MDN1: variants seen among roughly 807,000 people sequenced by gnomAD.
MDN1 encodes midasin AAA ATPase 1, also known as midasin.
A neutral mutation model predicts 669.2 loss-of-function variants in MDN1; 266 were observed. That is an observed-to-expected ratio of 0.40 (90% CI 0.36 to 0.44). MDN1 has a LOEUF of 0.44. Ranked by LOEUF, MDN1 falls within the 20% of genes least tolerant of loss-of-function variation. The pLI is 1.00. For synonymous variants in MDN1, 2,385 were observed against 2,457.1 expected (o/e 0.97, Z 0.87); for missense variants, 5,940 against 6,754.0 (o/e 0.88, Z 4.22).
chr6:89,704,013 CAAA>C (rs60168431), intron 53 of MDN1, among the ~76,000 whole-genome samples: 16 of 103,966 alleles, frequency 1.5e-4, no homozygotes, highest in Admixed American at 1.0e-4. Context: ...AACTCCGTCT[CAAA>C]AAAAAAAAAA....
chr6:89,642,582 A>G lies in MDN1; in HGVS notation c.*1423T>C, dbSNP rs1007553212. 3.9e-5 allele frequency: 6 copies of G among 152,262 alleles called. No homozygotes were observed. Among genetic ancestry groups the G allele is most frequent in the African/African-American group, 1.4e-4 (6 of 41,462 alleles). The allele number at this position is 152,262 out of a possible 1,614,324, so 9.4% of individuals were successfully genotyped here. Reference sequence around the variant, plus strand: ...CTTTTCATTCTGCTGCAAAGCCAGCATATTATAGCTCAGCCTACCATGGAC... The same window carrying G: ...CTTTTCATTCTGCTGCAAAGCCAGCGTATTATAGCTCAGCCTACCATGGAC... On this transcript the variant is annotated 3_prime_UTR_variant, in exon 102 of 102. Coordinates refer to ENST00000369393, the MANE Select transcript of MDN1 (RefSeq NM_014611.3).
At chr6:89,730,631 T>A (rs1017923753) in intron 35 of MDN1, 95 bp downstream of exon 35, 2 of 914,192 alleles carry the variant, frequency 2.2e-6, no homozygotes, top group Admixed American at 5.3e-5. Flanking sequence ...GCAAATATAA[T>A]CATGAGTATT....
Position 89,774,695 on chromosome 6 carries a change from C to T in MDN1, c.1860G>A (p.Val620=). 2.5e-6 allele frequency: 4 copies of T among 1,613,568 alleles called. No homozygotes were observed. Among genetic ancestry groups the T allele is most frequent in the Non-Finnish European group, 3.4e-6 (4 of 1,179,650 alleles). Residue 620 remains valine (V), a synonymous_variant, in exon 13 of 102, where the codon GTG becomes GTA. Coordinates refer to ENST00000369393, the MANE Select transcript of MDN1 (RefSeq NM_014611.3). ...CCACTTGCAAATCTAGCTCATTGAT[C>T]ACAATTTCTGGTTTATAAAGTTGAC... ...FFCQLYKPEI[V]INELDLQVGR...
Position 89,723,603 on chromosome 6 carries a change from A to C in MDN1, c.5687T>G (p.Leu1896Arg), listed in dbSNP as rs1263943828. Residue 1896 changes from leucine to arginine, a missense_variant, in exon 39 of 102, where the codon CTT (leucine) becomes CGT (arginine). Coordinates refer to ENST00000369393, the MANE Select transcript of MDN1 (RefSeq NM_014611.3). The part of the protein sequence containing the change: ...NRFTQVFVDP[L>R]TVIDMEFIAS... ...AATGAACTCCATGTCAATTACTGTA[A>C]GGGGATCAACGAAGACCTAGAAATC... The C allele has an allele frequency of 6.3e-7, 1 of 1,577,238 alleles. No homozygotes were observed. Among genetic ancestry groups the C allele is most frequent in the Non-Finnish European group, 8.6e-7 (1 of 1,160,860 alleles).
At chr6:89,796,614 G>A (rs1479268847) in intron 2 of MDN1, among the ~76,000 whole-genome samples, 1 of 152,176 alleles carries the variant, frequency 6.6e-6, no homozygotes, top group South Asian at 2.1e-4. Flanking sequence ...GCACTACTCT[G>A]ACGGGAGATG....
intron 88 of MDN1, 117 bp from the exon 89 acceptor site, chr6:89,659,034 G>C (rs1209042948): frequency 9.5e-7 from 1 of 1,052,488 alleles, no homozygotes; most frequent in Non-Finnish European, 1.3e-6. Context: ...CCAGCGAGTG[G>C]CAAATTGTGA....
In MDN1 at chr6:89,781,573, G is replaced by A. The variant is rs1818674828; in HGVS notation, c.1469C>T (p.Pro490Leu). The A allele has an allele frequency of 1.2e-6, 2 of 1,605,454 alleles. No homozygotes were observed. The highest frequency in any genetic ancestry group is 1.7e-6 in the Non-Finnish European group (2 of 1,174,866). The change falls in exon 10 of 102, where the codon CCT becomes CTT. Residue 490 changes from proline (P) to leucine (L), a missense_variant. Physicochemically the swap from Pro to Leu is moderately conservative, Grantham distance 98 (BLOSUM62 -3). Coordinates refer to ENST00000369393, the MANE Select transcript of MDN1 (RefSeq NM_014611.3). ...GTGATCAACCACTGCCAATAGGCTAGGATATCTGCTCTGAAGAACCTGACA... is the reference window on the plus strand; with the variant it reads ...GTGATCAACCACTGCCAATAGGCTAAGATATCTGCTCTGAAGAACCTGACA... ...ELNEVLQSRY[P>L]SLLAVVDHLL... is the part of the protein sequence containing the mutation.
intron 92 of MDN1, among the ~76,000 whole-genome samples, chr6:89,654,812 T>C (rs13217726): frequency 3.3e-5 from 5 of 152,244 alleles, no homozygotes; most frequent in Non-Finnish European, 7.3e-5. Flanking sequence ...TTAAACATTG[T>C]ATACATGTAT....
At position 89,673,466 on chromosome 6, in the gene MDN1, C is replaced by T. The variant is rs1369625896; in HGVS notation, c.13248-4G>A. The T allele has an allele frequency of 1.9e-6, 3 of 1,613,600 alleles. No individual in the cohort carries two copies. The highest frequency in any genetic ancestry group is 4.5e-5 in the East Asian group (2 of 44,878). On this transcript the variant is annotated splice_polypyrimidine_tract_variant and splice_region_variant and intron_variant, in intron 79 of 101. Coordinates refer to ENST00000369393, the MANE Select transcript of MDN1 (RefSeq NM_014611.3). ...AGAGCAAACTTCAAAATCTTTCCTG[C>T]AACAGAAATGCCACAATGTTGAAAG...
intron 33 of MDN1, 143 bp from the exon 34 acceptor site, chr6:89,732,918 G>C: frequency 1.5e-6 from 1 of 675,234 alleles, no homozygotes; most frequent in Non-Finnish European, 2.5e-6. Context: ...CATAAATGCT[G>C]TTTCTAACAA....
intron 75 of MDN1, 140 bp from the exon 76 acceptor site, chr6:89,677,836 AC>A (rs1811317590): frequency 2.1e-5 from 22 of 1,048,792 alleles, no homozygotes; most frequent in Non-Finnish European, 3.0e-5. Flanking sequence ...CTCAGGCTGC[AC>A]CCACACCAAC....
rs1369010272 is a variant in MDN1, at chr6:89,652,153, C to T, written c.15915+39G>A. Reference sequence around the variant, plus strand: ...TATGTTGAACAAACAAAAAAAAAGTCGAGATATTTTATGAAAAAAACAGTG... The same window carrying T: ...TATGTTGAACAAACAAAAAAAAAGTTGAGATATTTTATGAAAAAAACAGTG... On this transcript the variant is annotated intron_variant, in intron 95 of 101. Coordinates refer to ENST00000369393, the MANE Select transcript of MDN1 (RefSeq NM_014611.3). The T allele has an allele frequency of 7.8e-6, 12 of 1,543,508 alleles. No individual in the cohort carries two copies. In the South Asian group the frequency reaches 8.0e-5, roughly 10 times the overall value.
intron 63 of MDN1, 31 bp from the exon 64 acceptor site, chr6:89,690,865 GCTTT>G (rs1812336601): frequency 8.1e-6 from 13 of 1,608,144 alleles, no homozygotes; most frequent in Non-Finnish European, 1.1e-5. Context: ...AAGAAGCTGA[GCTTT>G]CTTTGCTGAG....
At chr6:89,698,769 C>T in intron 59 of MDN1, 96 bp downstream of exon 59, 2 of 1,261,476 alleles carry the variant, frequency 1.6e-6, no homozygotes, top group Non-Finnish European at 2.3e-6. Context: ...CCTGTTTAGT[C>T]ACCACTCTAT....
rs375288575 is a variant in MDN1 at position 89,678,674 on chromosome 6, G to A, written c.12337C>T (p.Arg4113Trp). 1.2e-4 allele frequency: 193 copies of A among 1,614,074 alleles called. No individual in the cohort carries two copies. In the Middle Eastern group the frequency reaches 1.5e-3, roughly 12 times the overall value. ...ATGAGAATGTGCTTGGCTTCTGACC[G>A]CTGCTTCTCCTTCTCTGCAGAGGGT... is the stretch of plus-strand genomic sequence containing the variant. ...VEPSAEKEKQ[R>W]SEAKHILMQK... Residue 4113 changes from arginine (R) to tryptophan (W), a missense_variant, in exon 75 of 102, where the codon CGG becomes TGG. By Grantham distance (101) the Arg-to-Trp change is moderately radical (BLOSUM62 -3). Coordinates refer to ENST00000369393, the MANE Select transcript of MDN1 (RefSeq NM_014611.3).
intron 50 of MDN1, among the ~76,000 whole-genome samples, chr6:89,709,800 C>T (rs1266745494): frequency 1.3e-5 from 2 of 152,150 alleles, no homozygotes; most frequent in East Asian, 1.9e-4. Flanking sequence ...AATGTTTATT[C>T]TCTCACTCCT....
chr6:89,694,118 G>A lies in MDN1; in HGVS notation c.9837C>T (p.Asp3279=). The A allele has an allele frequency of 1.2e-6, 2 of 1,614,184 alleles. No homozygotes were observed. Among genetic ancestry groups the A allele is most frequent in the Non-Finnish European group, 1.7e-6 (2 of 1,180,026 alleles). ...AGCTGACAACGACTTCATCTTCCAG[G>A]TCTCTTCCAGTCTGCAGCTGGGATG... ...NLSSQLQTGR[D]LEDEVVVSYS... is the part of the protein sequence containing the mutation. Residue 3279 remains aspartate, a synonymous_variant, in exon 62 of 102, where the codon GAC becomes GAT. Coordinates refer to ENST00000369393, the MANE Select transcript of MDN1 (RefSeq NM_014611.3).
intron 2 of MDN1, among the ~76,000 whole-genome samples, chr6:89,798,653 TTGACTGTAGTGA>T (rs1466040759): frequency 2.6e-5 from 4 of 152,198 alleles, no homozygotes; most frequent in African/African-American, 9.6e-5. Flanking sequence ...ATAAATACAA[TTGACTGTAGTGA>T]TGACTGCATA....
intron 62 of MDN1, 76 bp downstream of exon 62, chr6:89,693,998 T>C: frequency 1.7e-6 from 2 of 1,191,408 alleles, no homozygotes; most frequent in Non-Finnish European, 2.5e-6. Context: ...TTATCACTTC[T>C]ACTCACACCA....
Sources: gnomAD v4.1 joint callset for allele counts (sites outside exome capture counted in the v4.1 genomes callset) on GRCh38, gnomAD v4.1.1 for gene constraint, MANE v1.5 for transcripts, NCBI Gene and HGNC (gene_info 2026-07-23, HGNC 2026-07-21) for gene names.